ATP13A1: variants seen among roughly 807,000 people sequenced by gnomAD.
ATP13A1 encodes endoplasmic reticulum transmembrane helix translocase.
ATP13A1 carries 55 observed loss-of-function variants against 134.8 expected under a neutral mutation model. The ratio of observed to expected loss-of-function variants is 0.41; its 90% CI spans 0.33 to 0.51. The LOEUF (loss-of-function observed/expected upper bound fraction) is 0.51, where lower values mean the gene tolerates loss of function less well. Ranked by LOEUF, ATP13A1 falls within the 20% of genes least tolerant of loss-of-function variation. The pLI is 0.29. For missense variants in ATP13A1, 1,389 were observed against 1,652.8 expected, an observed-to-expected ratio of 0.84 and a Z score of 2.77; for synonymous variants, 775 against 725.1, an observed-to-expected ratio of 1.07 and a Z score of -1.10.
At position 19,655,761 on chromosome 19, in the gene ATP13A1, T is replaced by C; in HGVS notation, c.1270-107A>G. The C allele has an allele frequency of 6.5e-7, 1 of 1,533,552 alleles. No homozygotes were observed. The highest frequency in any genetic ancestry group is 8.8e-7 in the Non-Finnish European group (1 of 1,137,592). 95.0% of individuals were successfully genotyped at this position (1,533,552 alleles called of 1,614,324 possible). A position where few individuals can be genotyped will look rare whatever the true frequency, so the allele number is the denominator to read the frequency against. On this transcript the variant is annotated intron_variant, in intron 9 of 25. Transcript: ENST00000357324. This position sits in a 1 kb window ranked among gnomAD's most constrained non-coding sequence, Gnocchi z 5.7. ...GGTGGCCTCTGCACCCTGGCCCAGG[T>C]CCAGGGCCGTGCTGCCAGAGTCAGC... is the stretch of plus-strand genomic sequence containing the variant.
At chr19:19,662,206 C>T in intron 1 of ATP13A1, 2 of 1,535,404 alleles carry the variant, frequency 1.3e-6, no homozygotes, top group South Asian at 1.2e-5. Flanking sequence ...CTTAACCCCT[C>T]CTTTATTTTG....
intron 22 of ATP13A1, 169 bp downstream of exon 22, chr19:19,646,960 A>G (rs568808109): frequency 5.6e-6 from 4 of 720,564 alleles, no homozygotes; most frequent in South Asian, 3.8e-5. Flanking sequence ...GGGGTCTGGG[A>G]GCCTCAGTCC....
At position 19,654,628 on chromosome 19, in the gene ATP13A1, C is replaced by T. The variant is rs2288866; in HGVS notation, c.1728G>A (p.Ser576=). The change falls in exon 13 of 26, where the codon TCG becomes TCA. Residue 576 remains serine, a synonymous_variant. Transcript: ENST00000357324. ...GGGTGCCGTCGTCCAGCTGCATGAG[C>T]GAGTGGCACGAGGCCAGGGCCCGGT... ...ETHRALASCH[S]LMQLDDGTLV... The T allele has an allele frequency of 9.9e-4, 1,592 of 1,613,598 alleles. 2 individuals carry two copies. The highest frequency in any genetic ancestry group is 1.7e-3 in the East Asian group (77 of 44,868).
chr19:19,654,727 C>T, intron 12 of ATP13A1, 27 bp from the exon 13 acceptor site: 1 of 1,599,632 alleles, frequency 6.3e-7, no homozygotes, highest in Non-Finnish European at 8.5e-7. Context: ...CAGCTGGTTA[C>T]AGAGTGCAGG....
chr19:19,657,115 T>C lies in ATP13A1; in HGVS notation c.785A>G (p.Tyr262Cys), dbSNP rs2062064183. 8 of 1,518,202 alleles carry C rather than the reference T, an allele frequency of 5.3e-6. No individual in the cohort carries two copies. The highest frequency in any genetic ancestry group is 2.1e-5 in the Admixed American group (1 of 46,528). 94.0% of individuals were successfully genotyped at this position (1,518,202 alleles called of 1,614,324 possible). A position where few individuals can be genotyped will look rare whatever the true frequency, so the allele number is the denominator to read the frequency against. ...FCVGLWCLDE[Y>C]WYYSVFTLSM... ...TAGCGTAAAGACGCTGTAGTACCAGTACTCATCCAGGCACCAGAGCCCCAC... is the reference window on the plus strand; with the variant it reads ...TAGCGTAAAGACGCTGTAGTACCAGCACTCATCCAGGCACCAGAGCCCCAC... Residue 262 changes from tyrosine (Y) to cysteine (C), a missense_variant, in exon 5 of 26, where the codon TAC becomes TGC. Tyr to Cys is a radical substitution (Grantham distance 194). Transcript: ENST00000357324.
At chr19:19,646,107 C>T (rs988211058) in intron 23 of ATP13A1, 98 bp downstream of exon 23, 5 of 1,596,352 alleles carry the variant, frequency 3.1e-6, no homozygotes, top group Non-Finnish European at 4.3e-6. Flanking sequence ...TCCCTGGACA[C>T]CCTGGACAAC....
chr19:19,646,117 C>A (rs2061983898), intron 23 of ATP13A1, 88 bp downstream of exon 23: 3 of 1,599,302 alleles, frequency 1.9e-6, no homozygotes, highest in East Asian at 4.5e-5. Context: ...CCCTGGACAA[C>A]CCCCAGCCTC....
At chr19:19,646,628 C>T in intron 22 of ATP13A1, 1 of 516,994 alleles carries the variant, frequency 1.9e-6, no homozygotes, top group Non-Finnish European at 3.5e-6. Context: ...TCCCTGGAGC[C>T]CACGGGACAG....
At chr19:19,659,437 CAG>C (rs2062080510) in intron 3 of ATP13A1, among the ~76,000 whole-genome samples, 162 bp downstream of exon 3, 1 of 151,866 alleles carries the variant, frequency 6.6e-6, no homozygotes, top group Non-Finnish European at 1.5e-5. Context: ...GCCTGGGTGA[CAG>C]AGCGAGACTC....
chr19:19,657,450 T>G, intron 3 of ATP13A1, 42 bp from the exon 4 acceptor site: 1 of 1,537,648 alleles, frequency 6.5e-7, no homozygotes, highest in Non-Finnish European at 8.8e-7. Context: ...GGGCAAGGCC[T>G]CTGGGGTATG....
intron 17 of ATP13A1, chr19:19,650,544 A>C: frequency 6.5e-6 from 1 of 154,390 alleles, no homozygotes; most frequent in South Asian, 2.0e-4. Flanking sequence ...GCACACTTCC[A>C]CCTGGCTTGT....
At chr19:19,649,405 C>G (rs2062009479) in intron 19 of ATP13A1, among the ~76,000 whole-genome samples, 162 bp downstream of exon 19, 1 of 152,204 alleles carries the variant, frequency 6.6e-6, no homozygotes, top group Non-Finnish European at 1.5e-5. Context: ...ATATTCGCAT[C>G]CCTTCCTGCC....
In ATP13A1 at chr19:19,663,624, C is replaced by A; in HGVS notation, c.43G>T (p.Ala15Ser). ...AAVGNAVPCG[A>S]RPCGVRPDGQ... ...TCAGGCCGGACCCCGCAAGGCCGGG[C>A]CCCGCAGGGCACCGCGTTGCCCACC... Residue 15 changes from alanine to serine, a missense_variant, in exon 1 of 26, where the codon GCC (alanine) becomes TCC (serine). Ala to Ser is a moderately conservative substitution (Grantham distance 99). Coordinates refer to ENST00000357324, the MANE Select transcript of ATP13A1 (RefSeq NM_020410.3). 2 of 1,350,462 alleles carry A rather than the reference C, an allele frequency of 1.5e-6. No individual in the cohort carries two copies. Among genetic ancestry groups the A allele is most frequent in the South Asian group, 1.8e-5 (1 of 54,654 alleles). 83.7% of individuals were successfully genotyped at this position (1,350,462 alleles called of 1,614,324 possible). A position where few individuals can be genotyped will look rare whatever the true frequency, so the allele number is the denominator to read the frequency against.
chr19:19,662,227 G>T, intron 1 of ATP13A1: 3 of 1,517,214 alleles, frequency 2.0e-6, no homozygotes, highest in Middle Eastern at 2.4e-4. Flanking sequence ...TCCCTCATTG[G>T]TGTCTTTCAT....
intron 3 of ATP13A1, among the ~76,000 whole-genome samples, chr19:19,658,241 G>A (rs999345089): frequency 8.0e-5 from 12 of 150,678 alleles, no homozygotes; most frequent in Admixed American, 8.0e-4. Flanking sequence ...AGTCCAATCT[G>A]ATCAGGGCAC....
chr19:19,652,254 AAGCCACCAGG>A (rs1304520909), intron 16 of ATP13A1, among the ~76,000 whole-genome samples: 2 of 152,086 alleles, frequency 1.3e-5, no homozygotes, highest in African/African-American at 4.8e-5. Flanking sequence ...AAGCCACCAG[AAGCCACCAGG>A]ACAGGCAGAC....
At chr19:19,660,385 G>A (rs1267072022) in intron 1 of ATP13A1, 1 of 196,128 alleles carries the variant, frequency 5.1e-6, no homozygotes, top group African/African-American at 2.4e-5. Flanking sequence ...AGGAGGCTGA[G>A]GCAGGAGAAT....
rs763200946 is a variant in ATP13A1, at chr19:19,653,798, G to T, written c.2086C>A (p.Leu696Ile). Residue 696 changes from leucine (L) to isoleucine (I), a missense_variant, in exon 15 of 26, where the codon CTC (leucine) becomes ATC (isoleucine). Leu to Ile is a conservative substitution (Grantham distance 5). Transcript: ENST00000357324. This position sits in a 1 kb window ranked among gnomAD's most constrained non-coding sequence, Gnocchi z 4.2. ...LALGYKELGH[L>I]THQQAREVKR... is the part of the protein sequence containing the mutation. ...TGGGCCCGTACCTGCTGGTGAGTGA[G>T]GTGTCCCAGCTCCTTGTACCCCAGC... 2 of 1,552,508 alleles carry T rather than the reference G, an allele frequency of 1.3e-6. No individual in the cohort carries two copies. The highest frequency in any genetic ancestry group is 1.7e-6 in the Non-Finnish European group (2 of 1,147,682).
At chr19:19,662,109 T>G in intron 1 of ATP13A1, 1 of 1,570,920 alleles carries the variant, frequency 6.4e-7, no homozygotes, top group Non-Finnish European at 8.6e-7. Context: ...CTCCTCCCAC[T>G]TCTCCATCCC....
Sources: gnomAD v4.1 joint callset for allele counts (sites outside exome capture counted in the v4.1 genomes callset) on GRCh38, gnomAD v4.1.1 for gene constraint, Gnocchi (gnomAD v3.1) non-coding constraint, MANE v1.5 for transcripts, NCBI Gene and HGNC (gene_info 2026-07-23, HGNC 2026-07-21) for gene names.